The following NTRK3 variants were observed in gnomAD, a reference collection of about 807,000 sequenced individuals.
NTRK3 encodes the protein NT-3 growth factor receptor.
NTRK3 carries 24 observed loss-of-function variants against 91.7 expected under a neutral mutation model. That is an observed-to-expected ratio of 0.26 (90% CI 0.19 to 0.37). NTRK3 has a LOEUF of 0.37. NTRK3 is among the 10% of genes least tolerant of loss of function. NTRK3 has a pLI of 1.00. For missense variants in NTRK3, 880 were observed against 1,068.9 expected (o/e 0.82, Z 2.46); for synonymous variants, 483 against 404.0 (o/e 1.20, Z -2.34).
intron 17 of NTRK3, among the ~76,000 whole-genome samples, chr15:87,890,239 T>C (rs928831640): frequency 4.3e-4 from 65 of 152,146 alleles, no homozygotes; most frequent in Non-Finnish European, 7.2e-4. Context: ...GGATTCAATC[T>C]GATATTATAA....
intron 3 of NTRK3, among the ~76,000 whole-genome samples, chr15:88,211,610 A>C (rs2049253810): frequency 6.6e-6 from 1 of 152,256 alleles, no homozygotes; most frequent in South Asian, 2.1e-4. Context: ...AAATAGACTT[A>C]TTAAAAGGGA....
chr15:88,097,345 A>C (rs770316599), intron 13 of NTRK3, among the ~76,000 whole-genome samples: 6 of 152,160 alleles, frequency 3.9e-5, no homozygotes, highest in Non-Finnish European at 7.3e-5. Context: ...GACTATGAAG[A>C]GTGTGATTAT....
chr15:88,184,192 G>C, intron 4 of NTRK3, 33 bp downstream of exon 4: 1 of 1,610,236 alleles, frequency 6.2e-7, no homozygotes. Flanking sequence ...CCCTTCCACA[G>C]GGAAAGGCCT....
At chr15:88,193,695 T>C (rs539164218) in intron 3 of NTRK3, among the ~76,000 whole-genome samples, 6 of 152,326 alleles carry the variant, frequency 3.9e-5, no homozygotes, top group Admixed American at 1.3e-4. Context: ...ATGTGGACTT[T>C]CTACCCGGCC....
exon 19 of NTRK3, chr15:87,860,641 A>G (rs886077262): frequency 4.8e-6 from 1 of 207,634 alleles, no homozygotes; most frequent in Non-Finnish European, 9.8e-6. Flanking sequence ...TTCACCTGTC[A>G]TAAAGGAAAG....
chr15:88,096,246 T>A (rs2049585297), intron 13 of NTRK3, among the ~76,000 whole-genome samples: 1 of 152,022 alleles, frequency 6.6e-6, no homozygotes, highest in Non-Finnish European at 1.5e-5. Flanking sequence ...TGACCAGCCC[T>A]CTCCTCCAGG....
intron 17 of NTRK3, chr15:87,916,400 C>G (rs899496575): frequency 1.6e-6 from 1 of 640,654 alleles, no homozygotes; most frequent in Non-Finnish European, 2.8e-6. Flanking sequence ...AGTAGAGAGA[C>G]GTGAATGACT....
At chr15:87,937,889 C>T (rs139946173) in intron 15 of NTRK3, among the ~76,000 whole-genome samples, 1 of 150,988 alleles carries the variant, frequency 6.6e-6, no homozygotes, top group African/African-American at 2.4e-5. Flanking sequence ...AGCTTTAGAC[C>T]AGATAAAACC....
chr15:88,056,187 T>C (rs1276829331), intron 13 of NTRK3, among the ~76,000 whole-genome samples: 1 of 97,718 alleles, frequency 1.0e-5, no homozygotes, highest in African/African-American at 4.0e-5. Context: ...TATATATATA[T>C]ATATATATAT....
intron 13 of NTRK3, among the ~76,000 whole-genome samples, chr15:88,100,262 G>A (rs529676357): frequency 6.6e-6 from 1 of 152,172 alleles, no homozygotes; most frequent in Non-Finnish European, 1.5e-5. Flanking sequence ...AAAGAACAAT[G>A]CAAGAGGCTT....
intron 13 of NTRK3, among the ~76,000 whole-genome samples, chr15:88,100,808 GCC>G (rs2050095572): frequency 6.6e-6 from 1 of 152,146 alleles, no homozygotes; most frequent in African/African-American, 2.4e-5. Flanking sequence ...AAACTGGCTA[GCC>G]ATATGTAGAA....
Position 88,255,834 on chromosome 15 carries a change from C to T in NTRK3, c.248+72G>A. 1 of 1,388,470 alleles carries T rather than the reference C, an allele frequency of 7.2e-7. No homozygotes were observed. 86.0% of individuals were successfully genotyped at this position (1,388,470 alleles called of 1,614,324 possible). ...GCTGGGGCGGGCGGAGGGCCGGCTC[C>T]CGGCCGCGGGTGGGCAGGAGGGAGA... is the stretch of plus-strand genomic sequence containing the variant. On this transcript the variant is annotated intron_variant, in intron 3 of 18. Transcript: ENST00000394480. The surrounding 1 kb of genome is among the most constrained non-coding windows in gnomAD (Gnocchi z 4.3).
intron 13 of NTRK3, among the ~76,000 whole-genome samples, chr15:88,075,812 G>A (rs1007737962): frequency 6.6e-5 from 10 of 152,204 alleles, no homozygotes; most frequent in Non-Finnish European, 1.3e-4. Flanking sequence ...TCACATGAGA[G>A]TCCCAATTCT....
intron 17 of NTRK3, among the ~76,000 whole-genome samples, chr15:87,903,505 G>A (rs1260542333): frequency 1.3e-5 from 2 of 152,148 alleles, no homozygotes; most frequent in Non-Finnish European, 2.9e-5. Context: ...TGTTCTAGGG[G>A]CTTGCTCTGC....
intron 3 of NTRK3, among the ~76,000 whole-genome samples, chr15:88,254,384 G>A (rs1051764824): frequency 1.7e-4 from 26 of 152,088 alleles, no homozygotes; most frequent in Admixed American, 1.4e-3. Context: ...GCTGACCCCC[G>A]CCCCTTGGCT....
chr15:87,921,613 A>C (rs1266896411), intron 17 of NTRK3, among the ~76,000 whole-genome samples: 1 of 152,184 alleles, frequency 6.6e-6, no homozygotes, highest in Non-Finnish European at 1.5e-5. Context: ...GCTTCCAACT[A>C]CAGGGACACC....
At position 88,206,498 on chromosome 15, in the gene NTRK3, A is replaced by G. The variant is rs556728789; in HGVS notation, c.249-22199T>C. Among the ~76,000 whole-genome samples, 226 of 147,718 alleles carry G rather than the reference A, an allele frequency of 1.5e-3. 3 individuals carry two copies. The highest frequency in any genetic ancestry group is 5.6e-3 in the African/African-American group (224 of 40,038). ...ACGGTGAAACCCCGTCTCTACTAAA[A>G]ATACAAAAAATTAGCCGGGCGCGGT... On this transcript the variant is annotated intron_variant, in intron 3 of 18. Coordinates refer to ENST00000394480, the Ensembl canonical transcript of NTRK3.
At position 88,228,075 on chromosome 15, in the gene NTRK3, A is replaced by T. The variant is rs567837673; in HGVS notation, c.248+27831T>A. ...GGCAGACATCTGCCTCTGGATTTCCAGGCCAAACCTAAACCCAATGTGTGA... is the reference window on the plus strand; with the variant it reads ...GGCAGACATCTGCCTCTGGATTTCCTGGCCAAACCTAAACCCAATGTGTGA... On this transcript the variant is annotated intron_variant, in intron 3 of 18. Coordinates refer to ENST00000394480, the Ensembl canonical transcript of NTRK3. 8.3e-4 allele frequency among the ~76,000 whole-genome samples: 127 copies of T among 152,256 alleles called. 1 individual carries two copies. The highest frequency in any genetic ancestry group is 2.9e-3 in the African/African-American group (122 of 41,554).
intron 3 of NTRK3, among the ~76,000 whole-genome samples, chr15:88,204,692 G>A (rs1334849796): frequency 2.0e-5 from 3 of 152,322 alleles, no homozygotes; most frequent in South Asian, 2.1e-4. Flanking sequence ...ATAAAGGTGT[G>A]AGAATGGGAG....
Sources: gnomAD v4.1 joint callset for allele counts (sites outside exome capture counted in the v4.1 genomes callset) on GRCh38, gnomAD v4.1.1 for gene constraint, Gnocchi (gnomAD v3.1) non-coding constraint, MANE v1.5 for transcripts, NCBI Gene and HGNC (gene_info 2026-07-23, HGNC 2026-07-21) for gene names.